The following LIPC variants were observed in gnomAD, a reference collection of about 807,000 sequenced individuals.
The protein encoded by LIPC is lipase C, hepatic type, also known as hepatic triacylglycerol lipase.
In LIPC, 44 loss-of-function variants were observed where a neutral mutation model predicts 50.7. That is an observed-to-expected ratio of 0.87 (90% confidence interval 0.68 to 1.11). The LOEUF (loss-of-function observed/expected upper bound fraction) is 1.11. Among genes scored for constraint, LIPC ranks in the 50% most tolerant of loss-of-function variants. The probability of loss-of-function intolerance (pLI) is 0.00; values close to 1 mark genes in which losing one functional copy is unlikely to be tolerated. For missense variants in LIPC, 697 were observed against 648.2 expected, an observed-to-expected ratio of 1.08 and a Z score of -0.82; for synonymous variants, 271 against 256.4, an observed-to-expected ratio of 1.06 and a Z score of -0.54.
chr15:58,529,122 G>A (rs1420919049), intron 1 of LIPC, among the ~76,000 whole-genome samples: 6 of 152,202 alleles, frequency 3.9e-5, no homozygotes, highest in South Asian at 2.1e-4. Flanking sequence ...GTCAAATGAA[G>A]CTCAAAGCCA....
At chr15:58,537,922 T>C (rs1395343386) in intron 1 of LIPC, among the ~76,000 whole-genome samples, 1 of 152,184 alleles carries the variant, frequency 6.6e-6, no homozygotes, top group African/African-American at 2.4e-5. Flanking sequence ...ACTGTCTCTC[T>C]AGGTAGGGAT....
rs148628999 is a variant in LIPC at position 58,566,454 on chromosome 15, T to C, written c.1389-2262T>C. On this transcript the variant is annotated intron_variant, in intron 8 of 8. Coordinates refer to ENST00000299022, the MANE Select transcript of LIPC (RefSeq NM_000236.3). ...TTAGTGATAAACGAGAATCATAATA[T>C]ACATTTCATGAGACTAATAACAACT... The C allele has an allele frequency of 1.4e-4, 140 of 985,184 alleles. No individual in the cohort carries two copies. The African/African-American group carries it at 2.3e-3, about 16-fold the overall frequency. The allele number at this position is 985,184 out of a possible 1,614,324, so 61.0% of individuals were successfully genotyped here. A position where few individuals can be genotyped will look rare whatever the true frequency, so the allele number is the denominator to read the frequency against.
intron 6 of LIPC, among the ~76,000 whole-genome samples, chr15:58,553,317 C>T (rs1264839958): frequency 6.6e-6 from 1 of 152,232 alleles, no homozygotes; most frequent in African/African-American, 2.4e-5. Context: ...AGGCATTGGC[C>T]AGGCACGGTG....
chr15:58,450,624 T>C (rs1448663954), intron 1 of LIPC, among the ~76,000 whole-genome samples: 3 of 152,204 alleles, frequency 2.0e-5, no homozygotes, highest in Non-Finnish European at 2.9e-5. Flanking sequence ...TGGAAATGCA[T>C]TGAAATGTTA....
At chr15:58,536,802 T>C (rs1893138746) in intron 1 of LIPC, among the ~76,000 whole-genome samples, 1 of 152,212 alleles carries the variant, frequency 6.6e-6, no homozygotes, top group Non-Finnish European at 1.5e-5. Flanking sequence ...TCTGTCTTCA[T>C]AGTGAAAAAT....
chr15:58,480,893 G>C (rs1180445182), intron 1 of LIPC, among the ~76,000 whole-genome samples: 2 of 152,200 alleles, frequency 1.3e-5, no homozygotes, highest in Middle Eastern at 3.4e-3. Flanking sequence ...GGATTTCTTA[G>C]CTGTTCAGTT....
intron 1 of LIPC, among the ~76,000 whole-genome samples, chr15:58,531,686 C>A (rs1236444932): frequency 2.0e-5 from 3 of 149,854 alleles, no homozygotes; most frequent in African/African-American, 7.4e-5. Context: ...TCCTTCCATC[C>A]CGTATCTCAT....
intron 1 of LIPC, chr15:58,436,242 G>A (rs1230233282): frequency 6.3e-6 from 1 of 158,474 alleles, no homozygotes; most frequent in African/African-American, 2.4e-5. Context: ...GCTTCTGCAT[G>A]TAAACAGTAG....
intron 1 of LIPC, among the ~76,000 whole-genome samples, chr15:58,458,806 C>T (rs1595866015): frequency 6.6e-6 from 1 of 152,262 alleles, no homozygotes; most frequent in East Asian, 1.9e-4. Context: ...GTCCTTGATC[C>T]TGGTTTCCCA....
intron 1 of LIPC, among the ~76,000 whole-genome samples, chr15:58,538,127 T>C (rs1435908700): frequency 2.0e-5 from 3 of 152,116 alleles, no homozygotes; most frequent in Admixed American, 6.5e-5. Flanking sequence ...GATCTGGTGA[T>C]CTCAACCTCC....
chr15:58,482,861 G>C (rs1224015853), intron 1 of LIPC, among the ~76,000 whole-genome samples: 2 of 152,160 alleles, frequency 1.3e-5, no homozygotes, highest in Non-Finnish European at 2.9e-5. Flanking sequence ...TGTATTTGAG[G>C]CCTGACTCTG....
chr15:58,463,897 T>G (rs1894442512), intron 1 of LIPC, among the ~76,000 whole-genome samples: 1 of 152,208 alleles, frequency 6.6e-6, no homozygotes, highest in South Asian at 2.1e-4. Context: ...TTAAAATGTC[T>G]GATATTAAAC....
At chr15:58,530,073 T>A (rs1892911758) in intron 1 of LIPC, among the ~76,000 whole-genome samples, 1 of 151,976 alleles carries the variant, frequency 6.6e-6, no homozygotes, top group Non-Finnish European at 1.5e-5. Flanking sequence ...ACCTATATCC[T>A]TGATTGATAA....
chr15:58,441,773 G>C (rs182230418), intron 1 of LIPC, among the ~76,000 whole-genome samples: 67 of 152,312 alleles, frequency 4.4e-4, no homozygotes, highest in African/African-American at 1.5e-3. Flanking sequence ...AAATGATCTA[G>C]CAGATGGGAA....
chr15:58,460,027 G>C (rs1215129467), intron 1 of LIPC, among the ~76,000 whole-genome samples: 1 of 152,214 alleles, frequency 6.6e-6, no homozygotes, highest in Non-Finnish European at 1.5e-5. Flanking sequence ...GGCCCAAAGG[G>C]AAGGCTGTAT....
intron 8 of LIPC, among the ~76,000 whole-genome samples, chr15:58,567,261 GTATA>G (rs1157107647): frequency 2.8e-5 from 1 of 35,180 alleles, no homozygotes; most frequent in Non-Finnish European, 6.8e-5. Context: ...ATATATATAT[GTATA>G]TGTGTGTGTG....
chr15:58,541,653 A>C, intron 2 of LIPC, 132 bp from the exon 3 acceptor site: 1 of 919,518 alleles, frequency 1.1e-6, no homozygotes, highest in Non-Finnish European at 1.7e-6. Flanking sequence ...TCTGGCCCAA[A>C]ATGTCAACTG....
chr15:58,474,743 G>T lies in LIPC; in HGVS notation c.88+42623G>T, dbSNP rs553316571. ...TCGTTCCCTGGCCTCTCTGCCCAGG[G>T]TGAGCATCCTCAGAGACCTCAGCTC... On this transcript the variant is annotated intron_variant, in intron 1 of 8. Coordinates refer to ENST00000299022, the MANE Select transcript of LIPC (RefSeq NM_000236.3). 1.2e-3 allele frequency among the ~76,000 whole-genome samples: 187 copies of T among 152,212 alleles called. 1 individual carries two copies. The highest frequency in any genetic ancestry group is 3.7e-3 in the South Asian group (18 of 4,820).
At chr15:58,537,773 T>A (rs1326183989) in intron 1 of LIPC, among the ~76,000 whole-genome samples, 1 of 152,106 alleles carries the variant, frequency 6.6e-6, no homozygotes. Context: ...ACTCCCTCTG[T>A]GATTCCCCCA....
Sources: allele counts gnomAD v4.1 joint callset (sites outside exome capture counted in the v4.1 genomes callset), GRCh38; gene constraint gnomAD v4.1.1; transcripts MANE v1.5; gene names NCBI Gene and HGNC (gene_info 2026-07-23, HGNC 2026-07-21).